The following CADM2 variants were observed in gnomAD, a reference collection of about 807,000 sequenced individuals.
The protein encoded by CADM2 is cell adhesion molecule 2, also known as immunoglobulin superfamily member 4D.
In CADM2, 12 loss-of-function variants were observed where a neutral mutation model predicts 49.8. That is an observed-to-expected ratio of 0.24 (90% CI 0.15 to 0.39). CADM2 has a LOEUF of 0.39. Ranked by LOEUF, CADM2 falls within the 10% of genes least tolerant of loss-of-function variation. CADM2 has a pLI of 1.00. For missense variants in CADM2, 378 were observed against 492.3 expected (o/e 0.77, Z 2.20); for synonymous variants, 214 against 175.4 (o/e 1.22, Z -1.74).
At position 86,066,332 on chromosome 3, in the gene CADM2, C is replaced by CAAAAAAAAAAAAAAAAAA. The variant is rs10663610; in HGVS notation, c.1097-324_1097-307dup. Reference sequence around the variant, plus strand: ...TGGGCGAGAGAGCGAGACTCCGTCTCAAAAAAAAAAAAAAAAAAAAAAAAA... The same window carrying CAAAAAAAAAAAAAAAAAA: ...TGGGCGAGAGAGCGAGACTCCGTCTCAAAAAAAAAAAAAAAAAAAAAAAAAAAAAAAAAAAAAAAAAAA... On this transcript the variant is annotated intron_variant, in intron 9 of 9. Transcript: ENST00000383699. 1.5e-3 allele frequency among the ~76,000 whole-genome samples: 45 copies of CAAAAAAAAAAAAAAAAAA among 30,356 alleles called. 8 individuals carry two copies. Among genetic ancestry groups the CAAAAAAAAAAAAAAAAAA allele is most frequent in the African/African-American group, 4.9e-3 (23 of 4,674 alleles). The allele number at this position is 30,356 out of a possible 152,430, so 19.9% of individuals were successfully genotyped here. A position where few individuals can be genotyped will look rare whatever the true frequency, so the allele number is the denominator to read the frequency against.
chr3:85,179,504 T>TA (rs958310142), intron 1 of CADM2, among the ~76,000 whole-genome samples: 3 of 151,956 alleles, frequency 2.0e-5, no homozygotes, highest in African/African-American at 7.2e-5. Flanking sequence ...TCCTTTTTTT[T>TA]AATATGAATG....
chr3:85,861,902 TATA>T (rs2075550412), intron 3 of CADM2, among the ~76,000 whole-genome samples: 1 of 152,080 alleles, frequency 6.6e-6, no homozygotes, highest in African/African-American at 2.4e-5. Context: ...GAAAATTTAA[TATA>T]ATATGTCCTG....
At chr3:85,492,075 A>T (rs1339648751) in intron 1 of CADM2, among the ~76,000 whole-genome samples, 1 of 152,192 alleles carries the variant, frequency 6.6e-6, no homozygotes. Context: ...GCTTGTTACA[A>T]TCTAATTTTA....
chr3:85,763,167 G>A (rs1335758711), intron 2 of CADM2, among the ~76,000 whole-genome samples: 1 of 152,162 alleles, frequency 6.6e-6, no homozygotes, highest in African/African-American at 2.4e-5. Context: ...TCTGCTGACA[G>A]TTTGGATGGA....
intron 1 of CADM2, among the ~76,000 whole-genome samples, chr3:85,087,454 T>C (rs2037423375): frequency 6.6e-6 from 1 of 152,232 alleles, no homozygotes; most frequent in Non-Finnish European, 1.5e-5. Context: ...GTGAGCTTTA[T>C]ACATTTTACT....
intron 1 of CADM2, among the ~76,000 whole-genome samples, chr3:85,144,972 C>T: frequency 6.6e-6 from 1 of 152,062 alleles, no homozygotes; most frequent in East Asian, 1.9e-4. Context: ...TATGCCAAAC[C>T]TTAGAATACA....
chr3:85,256,262 A>T (rs1229373051), intron 1 of CADM2, among the ~76,000 whole-genome samples: 1 of 151,926 alleles, frequency 6.6e-6, no homozygotes, highest in Non-Finnish European at 1.5e-5. Context: ...TCCTCTTTTT[A>T]TACCAATGTT....
chr3:85,062,766 A>G (rs1295268716), intron 1 of CADM2, among the ~76,000 whole-genome samples: 1 of 152,004 alleles, frequency 6.6e-6, no homozygotes, highest in African/African-American at 2.4e-5. Flanking sequence ...CTATGACATG[A>G]AAATTCAGAA....
At chr3:85,892,207 G>A (rs1714536112) in intron 5 of CADM2, among the ~76,000 whole-genome samples, 1 of 152,210 alleles carries the variant, frequency 6.6e-6, no homozygotes, top group Non-Finnish European at 1.5e-5. Context: ...GGTTCTGAAA[G>A]AGAAGATAAC....
chr3:85,802,114 C>G lies in CADM2; in HGVS notation c.156C>G (p.Thr52=). 6.2e-7 allele frequency: 1 copy of G among 1,613,438 alleles called. No individual in the cohort carries two copies. The highest frequency in any genetic ancestry group is 1.3e-5 in the African/African-American group (1 of 75,014). ...TVVEGGTAIL[T]CRVDQNDNTS... ...TTGAAGGTGGAACTGCAATTTTGAC[C>G]TGCAGGGTTGATCAAAATGATAACA... The change falls in exon 3 of 10, where the codon ACC becomes ACG. Residue 52 remains threonine, a synonymous_variant. Coordinates refer to ENST00000383699, the MANE Select transcript of CADM2 (RefSeq NM_001167675.2).
At chr3:85,177,037 C>T (rs2040803886) in intron 1 of CADM2, among the ~76,000 whole-genome samples, 1 of 152,086 alleles carries the variant, frequency 6.6e-6, no homozygotes, top group South Asian at 2.1e-4. Context: ...GAGCTCACTC[C>T]CTATCCATAG....
chr3:85,149,763 C>T (rs538314687), intron 1 of CADM2, among the ~76,000 whole-genome samples: 3 of 152,112 alleles, frequency 2.0e-5, no homozygotes, highest in Admixed American at 6.5e-5. Flanking sequence ...GCGTTATAGA[C>T]ACGTTTTATT....
chr3:85,401,451 C>A (rs2035105348), intron 1 of CADM2, among the ~76,000 whole-genome samples: 1 of 152,022 alleles, frequency 6.6e-6, no homozygotes, highest in Non-Finnish European at 1.5e-5. Flanking sequence ...GGTGGGAGAC[C>A]CATCCCAGCG....
chr3:85,218,363 T>C (rs1300662554), intron 1 of CADM2, among the ~76,000 whole-genome samples: 1 of 152,186 alleles, frequency 6.6e-6, no homozygotes, highest in Non-Finnish European at 1.5e-5. Context: ...GCTATAGTGA[T>C]GCAACATTTC....
At chr3:85,881,463 G>A (rs902739927) in intron 3 of CADM2, among the ~76,000 whole-genome samples, 3 of 151,736 alleles carry the variant, frequency 2.0e-5, no homozygotes, top group Admixed American at 6.6e-5. Context: ...TTTATTATAC[G>A]CTGAACATTT....
chr3:85,610,308 A>G (rs1166107309), intron 1 of CADM2, among the ~76,000 whole-genome samples: 1 of 151,946 alleles, frequency 6.6e-6, no homozygotes, highest in African/African-American at 2.4e-5. Context: ...GTGAATACCT[A>G]TGCTTTTTAA....
chr3:85,373,345 T>C (rs952241038), intron 1 of CADM2, among the ~76,000 whole-genome samples: 2 of 152,186 alleles, frequency 1.3e-5, no homozygotes, highest in African/African-American at 4.8e-5. Flanking sequence ...TTTGACTCCA[T>C]GTCACACATC....
intron 1 of CADM2, among the ~76,000 whole-genome samples, chr3:85,591,621 G>T (rs1370554814): frequency 6.6e-6 from 1 of 151,874 alleles, no homozygotes; most frequent in African/African-American, 2.4e-5. Flanking sequence ...GGGATTAAGG[G>T]AATCACTCCT....
intron 1 of CADM2, among the ~76,000 whole-genome samples, chr3:85,143,613 A>C (rs1451656712): frequency 3.3e-5 from 5 of 152,260 alleles, no homozygotes; most frequent in Non-Finnish European, 5.9e-5. Flanking sequence ...AATGATAAGA[A>C]CATAGCTTTA....
Sources: allele counts gnomAD v4.1 joint callset (sites outside exome capture counted in the v4.1 genomes callset), GRCh38; gene constraint gnomAD v4.1.1; transcripts MANE v1.5; gene names NCBI Gene and HGNC (gene_info 2026-07-23, HGNC 2026-07-21).